The following ANXA1 variants were observed in gnomAD, a reference collection of about 807,000 sequenced individuals.
The protein encoded by ANXA1 is annexin I (lipocortin I).
In ANXA1, 39 loss-of-function variants were observed where a neutral mutation model predicts 47.9. That is an observed-to-expected ratio of 0.81 (90% confidence interval 0.63 to 1.06). The LOEUF (loss-of-function observed/expected upper bound fraction) is 1.06, where lower values mean the gene tolerates loss of function less well. Ranked by LOEUF, ANXA1 falls within the 50% of genes least tolerant of loss-of-function variation. ANXA1 has a pLI of 0.00. For missense variants in ANXA1, 446 were observed against 422.7 expected (o/e 1.06, Z -0.48); for synonymous variants, 146 against 142.5 (o/e 1.02, Z -0.17).
intron 10 of ANXA1, among the ~76,000 whole-genome samples, chr9:73,167,117 C>G (rs1205181510): frequency 6.6e-6 from 1 of 152,086 alleles, no homozygotes; most frequent in Non-Finnish European, 1.5e-5. Flanking sequence ...TCTGCAGTGT[C>G]TGTTGTTCAT....
chr9:73,164,502 T>C (rs1189559412), intron 8 of ANXA1, among the ~76,000 whole-genome samples: 2 of 152,148 alleles, frequency 1.3e-5, no homozygotes, highest in African/African-American at 2.4e-5. Context: ...TCTTAATATA[T>C]ATTTATGGAG....
intron 8 of ANXA1, among the ~76,000 whole-genome samples, chr9:73,163,815 CT>C (rs1282554048): frequency 1.2e-4 from 18 of 152,072 alleles, no homozygotes; most frequent in Non-Finnish European, 2.6e-4. Flanking sequence ...AAAAAAAACT[CT>C]GACCTTTCGT....
intron 1 of ANXA1, chr9:73,157,866 C>T (rs1824074204): frequency 6.6e-6 from 1 of 152,102 alleles, no homozygotes; most frequent in Admixed American, 6.6e-5. Flanking sequence ...AAAAAACAAA[C>T]AAACAAAAAG....
Position 73,153,572 on chromosome 9 carries a change from C to T in ANXA1, c.-15+1648C>T, listed in dbSNP as rs182586161. 8.9e-4 allele frequency among the ~76,000 whole-genome samples: 135 copies of T among 152,240 alleles called. 2 individuals carry two copies. Among genetic ancestry groups the T allele is most frequent in the South Asian group, 1.7e-3 (8 of 4,832 alleles). On this transcript the variant is annotated intron_variant, in intron 1 of 12. Transcript: ENST00000257497. ...TACTTCAACATTCTTATTTTATAAA[C>T]GAAGACCCTCTGGAGAAGCTAAATG...
intron 8 of ANXA1, among the ~76,000 whole-genome samples, chr9:73,164,739 G>A (rs577895698): frequency 3.9e-5 from 6 of 152,172 alleles, no homozygotes; most frequent in East Asian, 1.9e-4. Context: ...TCCAGGTTAC[G>A]GTTGAATTAT....
intron 1 of ANXA1, among the ~76,000 whole-genome samples, chr9:73,156,386 C>A (rs1412481979): frequency 6.6e-6 from 1 of 151,956 alleles, no homozygotes; most frequent in African/African-American, 2.4e-5. Context: ...CATGTGGCAA[C>A]CGCAATTGCA....
chr9:73,156,450 C>G (rs1356333765), intron 1 of ANXA1, among the ~76,000 whole-genome samples: 3 of 152,112 alleles, frequency 2.0e-5, no homozygotes, highest in African/African-American at 4.8e-5. Flanking sequence ...CGGGTTGTTA[C>G]TTTATCAGGA....
intron 6 of ANXA1, among the ~76,000 whole-genome samples, chr9:73,161,966 A>G (rs1459455460): frequency 2.6e-5 from 4 of 152,210 alleles, no homozygotes; most frequent in Non-Finnish European, 5.9e-5. Flanking sequence ...TACAAGTAGT[A>G]TGGGACCAGC....
chr9:73,169,868 G>T (rs1824293871), intron 12 of ANXA1, among the ~76,000 whole-genome samples, 183 bp from the exon 13 acceptor site: 3 of 151,946 alleles, frequency 2.0e-5, no homozygotes, highest in African/African-American at 2.4e-5. Context: ...AGTCTTGAAG[G>T]CTATTGCTTT....
At chr9:73,162,257 AG>A (rs1403781705) in intron 6 of ANXA1, among the ~76,000 whole-genome samples, 2 of 151,552 alleles carry the variant, frequency 1.3e-5, no homozygotes, top group African/African-American at 4.9e-5. Context: ...CCATAGCACT[AG>A]TCAATTATAA....
chr9:73,154,222 A>G (rs1472489022), intron 1 of ANXA1: 2 of 1,045,700 alleles, frequency 1.9e-6, no homozygotes, highest in Non-Finnish European at 2.7e-6. Flanking sequence ...GGACTTGTGA[A>G]ATACATATTC....
intron 1 of ANXA1, among the ~76,000 whole-genome samples, chr9:73,152,866 C>T (rs1047554009): frequency 6.6e-6 from 1 of 152,012 alleles, no homozygotes; most frequent in African/African-American, 2.4e-5. Context: ...TTTTTCTGTT[C>T]GTTCATTTTA....
intron 6 of ANXA1, among the ~76,000 whole-genome samples, chr9:73,161,470 A>G (rs1824141590): frequency 6.6e-6 from 1 of 152,162 alleles, no homozygotes; most frequent in South Asian, 2.1e-4. Context: ...TCTCCAGTGA[A>G]GCATCTCATT....
At chr9:73,160,397 A>T (rs747122086) in intron 5 of ANXA1, 21 bp downstream of exon 5, 1 of 1,520,172 alleles carries the variant, frequency 6.6e-7, no homozygotes, top group Admixed American at 2.2e-5. Flanking sequence ...CAATTTGAGC[A>T]AACTCCTTTC....
At chr9:73,158,397 T>A in intron 1 of ANXA1, 125 bp from the exon 2 acceptor site, 1 of 706,110 alleles carries the variant, frequency 1.4e-6, no homozygotes, top group Non-Finnish European at 2.4e-6. Context: ...TAAGTGTAAT[T>A]GATCCTGGAA....
chr9:73,160,656 T>C, intron 5 of ANXA1, 147 bp from the exon 6 acceptor site: 2 of 653,804 alleles, frequency 3.1e-6, no homozygotes, highest in Non-Finnish European at 2.7e-6. Context: ...TAGGGCAATG[T>C]AATAGAGCTT....
chr9:73,163,046 A>C (rs773548800), intron 7 of ANXA1, among the ~76,000 whole-genome samples, 185 bp downstream of exon 7: 4 of 152,192 alleles, frequency 2.6e-5, no homozygotes, highest in Non-Finnish European at 5.9e-5. Context: ...TGAGAGCCTC[A>C]GGCTGCTTCC....
chr9:73,156,288 T>G (rs542116477), intron 1 of ANXA1, among the ~76,000 whole-genome samples: 7 of 152,160 alleles, frequency 4.6e-5, no homozygotes, highest in Non-Finnish European at 7.4e-5. Context: ...GATGAAATGA[T>G]GAAAATGGAA....
At chr9:73,155,981 G>C (rs1242039202) in intron 1 of ANXA1, among the ~76,000 whole-genome samples, 1 of 149,390 alleles carries the variant, frequency 6.7e-6, no homozygotes, top group Non-Finnish European at 1.5e-5. Flanking sequence ...AAACAGTACA[G>C]TAAAGTTTTT....
Sources: allele counts gnomAD v4.1 joint callset (sites outside exome capture counted in the v4.1 genomes callset), GRCh38; gene constraint gnomAD v4.1.1; transcripts MANE v1.5; gene names NCBI Gene and HGNC (gene_info 2026-07-23, HGNC 2026-07-21).